The following KLHL7 variants were observed in gnomAD, a reference collection of about 807,000 sequenced individuals.
KLHL7 encodes kelch-like protein 7.
A neutral mutation model predicts 67.4 loss-of-function variants in KLHL7; 44 were observed. The ratio of observed to expected loss-of-function variants is 0.65; its 90% confidence interval spans 0.51 to 0.84. The LOEUF (loss-of-function observed/expected upper bound fraction) is 0.84, where lower values mean the gene tolerates loss of function less well. Ranked by LOEUF, KLHL7 falls within the 40% of genes least tolerant of loss-of-function variation. The pLI, the probability that KLHL7 is intolerant of heterozygous loss-of-function variation, is 0.00. For missense variants in KLHL7, 362 were observed against 718.1 expected (o/e 0.50, Z 5.67); for synonymous variants, 252 against 243.3 (o/e 1.04, Z -0.33).
At chr7:23,173,597 T>C in intron 10 of KLHL7, among the ~76,000 whole-genome samples, 1 of 152,226 alleles carries the variant, frequency 6.6e-6, no homozygotes, top group East Asian at 1.9e-4. Flanking sequence ...GTCAGTACTT[T>C]AAGCATCACT....
chr7:23,174,641 A>G lies in KLHL7; in HGVS notation c.*343A>G. 2.1e-6 allele frequency: 1 copy of G among 470,878 alleles called. No homozygotes were observed. Among genetic ancestry groups the G allele is most frequent in the South Asian group, 1.5e-5 (1 of 64,626 alleles). The allele number at this position is 470,878 out of a possible 1,614,324, so 29.2% of individuals were successfully genotyped here. A position where few individuals can be genotyped will look rare whatever the true frequency, so the allele number is the denominator to read the frequency against. ...GTGAAGCGCAGTATCTTAGCTCTAGATTCTATTTTCATGCATCACAGAAGT... is the reference window on the plus strand; with the variant it reads ...GTGAAGCGCAGTATCTTAGCTCTAGGTTCTATTTTCATGCATCACAGAAGT... On this transcript the variant is annotated 3_prime_UTR_variant, in exon 11 of 11. Coordinates refer to ENST00000339077, the MANE Select transcript of KLHL7 (RefSeq NM_001031710.3).
At chr7:23,170,400 TA>T (rs1321413881) in intron 9 of KLHL7, among the ~76,000 whole-genome samples, 1 of 152,130 alleles carries the variant, frequency 6.6e-6, no homozygotes, top group African/African-American at 2.4e-5. Flanking sequence ...ATGTGGGAGC[TA>T]AAAATGTTGA....
intron 4 of KLHL7, among the ~76,000 whole-genome samples, chr7:23,136,882 A>T (rs556118723): frequency 9.2e-5 from 14 of 152,318 alleles, no homozygotes; most frequent in Non-Finnish European, 1.9e-4. Context: ...GTAGCCTTAA[A>T]TTTTTTTCCA....
At chr7:23,107,168 C>G (rs1782678709) in intron 1 of KLHL7, among the ~76,000 whole-genome samples, 1 of 152,204 alleles carries the variant, frequency 6.6e-6, no homozygotes, top group Non-Finnish European at 1.5e-5. Flanking sequence ...TTCACCAGCT[C>G]CTGCTACAGT....
intron 1 of KLHL7, among the ~76,000 whole-genome samples, chr7:23,116,668 A>G (rs1476787225): frequency 6.6e-6 from 1 of 152,206 alleles, no homozygotes; most frequent in Non-Finnish European, 1.5e-5. Context: ...ATAAGAGAGC[A>G]CATGTGTTCA....
At chr7:23,117,975 C>T in intron 1 of KLHL7, 2 of 1,613,920 alleles carry the variant, frequency 1.2e-6, no homozygotes, top group South Asian at 1.1e-5. Flanking sequence ...GTTAGTCATT[C>T]CTCAGTCTTC....
intron 4 of KLHL7, among the ~76,000 whole-genome samples, chr7:23,133,142 A>G (rs949165893): frequency 1.8e-4 from 27 of 152,312 alleles, no homozygotes; most frequent in African/African-American, 6.0e-4. Context: ...GTGGTTCCAT[A>G]TAAATTTTAG....
chr7:23,138,130 C>T (rs915134768), intron 4 of KLHL7, among the ~76,000 whole-genome samples: 5 of 151,502 alleles, frequency 3.3e-5, no homozygotes, highest in South Asian at 2.1e-4. Context: ...GAGCCGAGTT[C>T]GTGCCACTGC....
In KLHL7 at chr7:23,132,119, A is replaced by C. The variant is rs549115943; in HGVS notation, c.442+6947A>C. On this transcript the variant is annotated intron_variant, in intron 4 of 10. Coordinates refer to ENST00000339077, the MANE Select transcript of KLHL7 (RefSeq NM_001031710.3). ...AGACAGTGCTGCAGCAAACATAAGG[A>C]TGCAGATATCTCTTTGATATACTGA... Among the ~76,000 whole-genome samples, 24 of 152,290 alleles carry C rather than the reference A, an allele frequency of 1.6e-4. No individual in the cohort carries two copies. In the South Asian group the frequency reaches 4.8e-3, roughly 30 times the overall value.
At chr7:23,173,971 G>A (rs375037031) in intron 10 of KLHL7, 44 bp from the exon 11 acceptor site, 2 of 1,578,786 alleles carry the variant, frequency 1.3e-6, no homozygotes, top group African/African-American at 1.3e-5. Context: ...CCTTAGAATT[G>A]TTGATATAGT....
chr7:23,121,471 T>G (rs1583651942), intron 1 of KLHL7, among the ~76,000 whole-genome samples: 1 of 47,704 alleles, frequency 2.1e-5, no homozygotes, highest in East Asian at 4.4e-4. Flanking sequence ...AATTTTTGTA[T>G]TTTTTTTTTG....
At chr7:23,158,924 T>C (rs2128468294) in intron 7 of KLHL7, among the ~76,000 whole-genome samples, 1 of 152,342 alleles carries the variant, frequency 6.6e-6, no homozygotes, top group South Asian at 2.1e-4. Flanking sequence ...GGAAGTTTTC[T>C]TGAGGGAGAC....
intron 9 of KLHL7, among the ~76,000 whole-genome samples, chr7:23,170,102 T>A (rs2128470019): frequency 6.6e-6 from 1 of 152,242 alleles, no homozygotes; most frequent in Non-Finnish European, 1.5e-5. Flanking sequence ...TAATCCCAGC[T>A]ATTCAGGAGG....
chr7:23,135,481 G>A (rs546349020), intron 4 of KLHL7, among the ~76,000 whole-genome samples: 2 of 152,248 alleles, frequency 1.3e-5, no homozygotes, highest in East Asian at 3.9e-4. Context: ...TCTGATGTTT[G>A]TTGATTTTCT....
intron 7 of KLHL7, among the ~76,000 whole-genome samples, chr7:23,157,668 T>C: frequency 6.6e-6 from 1 of 152,156 alleles, no homozygotes; most frequent in East Asian, 1.9e-4. Flanking sequence ...TGTTCTAAAA[T>C]CAACTTCACA....
chr7:23,154,375 A>AAAC (rs1210941587), intron 7 of KLHL7, among the ~76,000 whole-genome samples: 4 of 98,812 alleles, frequency 4.0e-5, no homozygotes, highest in South Asian at 3.4e-4. Flanking sequence ...AACAAACAAA[A>AAAC]AAAGACTATT....
intron 7 of KLHL7, among the ~76,000 whole-genome samples, chr7:23,162,098 A>G (rs1784870044): frequency 6.6e-6 from 1 of 152,212 alleles, no homozygotes; most frequent in Non-Finnish European, 1.5e-5. Flanking sequence ...AACAGTGACA[A>G]GAGGAACCCA....
At chr7:23,139,673 T>C (rs979125935) in intron 4 of KLHL7, among the ~76,000 whole-genome samples, 4 of 152,058 alleles carry the variant, frequency 2.6e-5, no homozygotes, top group African/African-American at 7.2e-5. Flanking sequence ...ATGAAGACAA[T>C]GTGAAATTGA....
At chr7:23,125,226 T>C (rs1487052718) in intron 4 of KLHL7, 54 bp downstream of exon 4, 2 of 1,574,848 alleles carry the variant, frequency 1.3e-6, no homozygotes, top group Admixed American at 3.4e-5. Context: ...CCTTTATTTC[T>C]AATTTAATTT....
Sources: allele counts gnomAD v4.1 joint callset (sites outside exome capture counted in the v4.1 genomes callset), GRCh38; gene constraint gnomAD v4.1.1; transcripts MANE v1.5; gene names NCBI Gene and HGNC (gene_info 2026-07-23, HGNC 2026-07-21).